The following RMST variants were observed in gnomAD, a reference collection of about 807,000 sequenced individuals.
RMST encodes the protein long intergenic non-protein coding RNA 54.
At chr12:97,516,673 G>C (rs985862874) in intron 10 of RMST, among the ~76,000 whole-genome samples, 1 of 151,800 alleles carries the variant, frequency 6.6e-6, no homozygotes, top group Non-Finnish European at 1.5e-5. Flanking sequence ...ATGAAGTTAT[G>C]TTCTTTCTAT....
intron 11 of RMST, among the ~76,000 whole-genome samples, chr12:97,545,447 T>C (rs1882860597): frequency 6.6e-6 from 1 of 152,110 alleles, no homozygotes; most frequent in South Asian, 2.1e-4. Flanking sequence ...TTATTAATGC[T>C]GTGGATAATT....
intron 10 of RMST, among the ~76,000 whole-genome samples, chr12:97,502,619 C>G (rs1878205834): frequency 6.6e-6 from 1 of 151,964 alleles, no homozygotes; most frequent in Admixed American, 6.6e-5. Context: ...TGCCACCATG[C>G]CTGCCTAATT....
exon 6 of RMST, chr12:97,492,470 A>G (rs1171129543): frequency 6.3e-6 from 1 of 159,694 alleles, no homozygotes; most frequent in African/African-American, 2.4e-5. Context: ...GATTCTCAGG[A>G]TGATGGAGTG....
chr12:97,544,354 A>C (rs2136631235), intron 11 of RMST, among the ~76,000 whole-genome samples: 1 of 152,242 alleles, frequency 6.6e-6, no homozygotes, highest in African/African-American at 2.4e-5. Context: ...TTAGCCTGAT[A>C]GTAAAAATTA....
chr12:97,526,395 A>G (rs1032412499), intron 10 of RMST, among the ~76,000 whole-genome samples: 5 of 152,208 alleles, frequency 3.3e-5, no homozygotes, highest in African/African-American at 1.2e-4. Context: ...CAGTATGAAT[A>G]TAACATACTT....
intron 10 of RMST, among the ~76,000 whole-genome samples, chr12:97,515,370 T>A (rs994047356): frequency 2.6e-5 from 4 of 152,062 alleles, no homozygotes; most frequent in African/African-American, 9.7e-5. Context: ...TTTTAGAGAA[T>A]AGAAATAAGA....
exon 14 of RMST, chr12:97,564,863 T>C (rs1884411864): frequency 6.6e-6 from 1 of 152,204 alleles, no homozygotes; most frequent in African/African-American, 2.4e-5. Flanking sequence ...ATCAATAGTT[T>C]AATTTTTTTA....
chr12:97,551,295 A>G (rs904689361), intron 11 of RMST, among the ~76,000 whole-genome samples: 8 of 150,326 alleles, frequency 5.3e-5, no homozygotes, highest in African/African-American at 1.5e-4. Flanking sequence ...ATAGAAAGGT[A>G]GATAAAGGAG....
chr12:97,482,554 A>G (rs1017511048), intron 5 of RMST, among the ~76,000 whole-genome samples: 10 of 151,074 alleles, frequency 6.6e-5, no homozygotes, highest in African/African-American at 1.7e-4. Context: ...AGAAAAATGC[A>G]GGAATTTCTC....
At chr12:97,514,781 C>G (rs1236731338) in intron 10 of RMST, among the ~76,000 whole-genome samples, 1 of 151,412 alleles carries the variant, frequency 6.6e-6, no homozygotes, top group Non-Finnish European at 1.5e-5. Context: ...AACCTTGGGA[C>G]TTATAAAAGG....
intron 11 of RMST, among the ~76,000 whole-genome samples, chr12:97,545,391 T>C (rs1022756486): frequency 2.6e-5 from 4 of 152,108 alleles, no homozygotes; most frequent in Non-Finnish European, 4.4e-5. Context: ...ATTAAGAGTC[T>C]GACTCTTAGA....
At chr12:97,547,678 A>G (rs1450874072) in intron 11 of RMST, among the ~76,000 whole-genome samples, 1 of 152,102 alleles carries the variant, frequency 6.6e-6, no homozygotes, top group Non-Finnish European at 1.5e-5. Flanking sequence ...CCTGTTGGCC[A>G]TTCGTCTGTC....
intron 10 of RMST, among the ~76,000 whole-genome samples, chr12:97,523,608 AAAC>A (rs1214411241): frequency 3.9e-5 from 6 of 152,358 alleles, no homozygotes; most frequent in African/African-American, 1.2e-4. Context: ...ATGTGAATTA[AAAC>A]AACAATTAAA....
chr12:97,523,938 T>A (rs1880782079), intron 10 of RMST, among the ~76,000 whole-genome samples: 1 of 151,662 alleles, frequency 6.6e-6, no homozygotes, highest in Non-Finnish European at 1.5e-5. Context: ...TAGCCGGGCA[T>A]GGTGGTGCGT....
intron 10 of RMST, among the ~76,000 whole-genome samples, chr12:97,504,369 A>G (rs1878432304): frequency 6.8e-6 from 1 of 146,522 alleles, no homozygotes; most frequent in Non-Finnish European, 1.5e-5. Context: ...GCTTCAGTGC[A>G]CTCCAACCTG....
At chr12:97,559,088 T>TTCTCTCTCTCTCTC (rs56136727) in intron 11 of RMST, among the ~76,000 whole-genome samples, 3 of 146,656 alleles carry the variant, frequency 2.0e-5, no homozygotes, top group African/African-American at 7.6e-5. Context: ...ATTTCGAGGT[T>TTCTCTCTCTCTCTC]TCTCTCTCTC....
intron 5 of RMST, among the ~76,000 whole-genome samples, chr12:97,484,251 C>T (rs1386638421): frequency 6.6e-6 from 1 of 152,156 alleles, no homozygotes; most frequent in Non-Finnish European, 1.5e-5. Flanking sequence ...GCTATGCCTG[C>T]ACATGCACGC....
At chr12:97,503,530 A>G (rs1260472187) in intron 10 of RMST, among the ~76,000 whole-genome samples, 1 of 152,076 alleles carries the variant, frequency 6.6e-6, no homozygotes, top group East Asian at 1.9e-4. Flanking sequence ...GTAACCATGC[A>G]CTGCTAACTG....
chr12:97,500,710 T>C (rs1328049708), intron 10 of RMST, among the ~76,000 whole-genome samples: 1 of 152,082 alleles, frequency 6.6e-6, no homozygotes, highest in Non-Finnish European at 1.5e-5. Context: ...GGACACAGAG[T>C]GTTTAAATAA....
Sources: allele counts gnomAD v4.1 joint callset (sites outside exome capture counted in the v4.1 genomes callset), GRCh38; gene constraint gnomAD v4.1.1; transcripts MANE v1.5; gene names NCBI Gene and HGNC (gene_info 2026-07-23, HGNC 2026-07-21).